POU6F2: variants seen among roughly 807,000 people sequenced by gnomAD.
POU6F2 encodes the protein POU class 6 homeobox 2, also known as POU domain, class 6, transcription factor 2.
A neutral mutation model predicts 71.3 loss-of-function variants in POU6F2; 31 were observed. The observed-to-expected ratio is 0.43, with a 90% CI of 0.33 to 0.59. The LOEUF (loss-of-function observed/expected upper bound fraction) is 0.59. Among genes scored for constraint, POU6F2 ranks in the 20% least tolerant of loss-of-function variants. The probability of loss-of-function intolerance (pLI) is 0.04; values close to 1 mark genes in which losing one functional copy is unlikely to be tolerated. For synonymous variants in POU6F2, 347 were observed against 355.7 expected, an observed-to-expected ratio of 0.98 and a Z score of 0.27; for missense variants, 783 against 856.8, an observed-to-expected ratio of 0.91 and a Z score of 1.07.
At chr7:39,334,287 A>T (rs988448227) in intron 4 of POU6F2, among the ~76,000 whole-genome samples, 1 of 152,316 alleles carries the variant, frequency 6.6e-6, no homozygotes, top group Admixed American at 6.5e-5. Context: ...CCAAGAATAA[A>T]GACAGAATTC....
intron 8 of POU6F2, among the ~76,000 whole-genome samples, chr7:39,454,999 A>G (rs1473480576): frequency 5.9e-5 from 9 of 152,046 alleles, no homozygotes; most frequent in Non-Finnish European, 1.2e-4. Flanking sequence ...CATGCAGATT[A>G]TTAGAAAATC....
intron 2 of POU6F2, among the ~76,000 whole-genome samples, chr7:39,172,625 CTT>C (rs58470541): frequency 1.0e-4 from 14 of 138,560 alleles, no homozygotes; most frequent in African/African-American, 8.0e-5. Context: ...GGTCCCCCTC[CTT>C]TTTTTTTTTT....
intron 1 of POU6F2, among the ~76,000 whole-genome samples, chr7:39,060,238 T>C (rs1344258776): frequency 1.3e-5 from 2 of 151,534 alleles, no homozygotes; most frequent in African/African-American, 4.9e-5. Context: ...ACAGATAAAC[T>C]CATATATATT....
intron 8 of POU6F2, among the ~76,000 whole-genome samples, chr7:39,453,492 A>G (rs1266102457): frequency 3.3e-5 from 5 of 152,246 alleles, no homozygotes; most frequent in Non-Finnish European, 7.3e-5. Context: ...AATAAGTTAA[A>G]TATGAAAAAG....
intron 5 of POU6F2, among the ~76,000 whole-genome samples, chr7:39,402,540 G>A (rs1057162874): frequency 6.6e-6 from 1 of 152,016 alleles, no homozygotes; most frequent in African/African-American, 2.4e-5. Context: ...GAAACCTAAC[G>A]AATGTTGCAA....
intron 4 of POU6F2, among the ~76,000 whole-genome samples, chr7:39,294,354 TGATGGCAAAAAGC>T (rs1201638818): frequency 1.4e-5 from 2 of 145,798 alleles, no homozygotes; most frequent in Non-Finnish European, 3.0e-5. Context: ...CATCAAAAAG[TGATGGCAAAAAGC>T]GATGGCAAAA....
At chr7:39,173,529 C>G (rs150497786) in intron 2 of POU6F2, among the ~76,000 whole-genome samples, 2,411 of 152,340 alleles carry the variant, frequency 0.016, 21 homozygotes, top group Non-Finnish European at 0.024. Context: ...CCTACTCTAA[C>G]TTAACCAATG....
chr7:39,223,619 C>T (rs1794409331), intron 4 of POU6F2, among the ~76,000 whole-genome samples: 1 of 152,122 alleles, frequency 6.6e-6, no homozygotes, highest in Non-Finnish European at 1.5e-5. Flanking sequence ...TTCTTTGCAG[C>T]ATTTTTCCCC....
chr7:39,109,304 G>A (rs754374000), intron 2 of POU6F2, among the ~76,000 whole-genome samples: 1 of 152,170 alleles, frequency 6.6e-6, no homozygotes, highest in Non-Finnish European at 1.5e-5. Flanking sequence ...CCGAAGTGCT[G>A]GGATTATAGG....
Position 39,020,167 on chromosome 7 carries a change from C to T in POU6F2, c.105+42109C>T, listed in dbSNP as rs545630311. Among the ~76,000 whole-genome samples, 44 of 152,172 alleles carry T rather than the reference C, an allele frequency of 2.9e-4. 1 individual carries two copies. The highest frequency in any genetic ancestry group is 1.0e-3 in the African/African-American group (42 of 41,532). On this transcript the variant is annotated intron_variant, in intron 1 of 9. Transcript: ENST00000518318. ...TTATCCTTCATTCTAGAAGCCAGTGCCTTTGTAGTGAGAAAGTGTTGACAA... is the reference window on the plus strand; with the variant it reads ...TTATCCTTCATTCTAGAAGCCAGTGTCTTTGTAGTGAGAAAGTGTTGACAA...
chr7:39,333,828 C>G (rs902692810), intron 4 of POU6F2, among the ~76,000 whole-genome samples: 1 of 152,140 alleles, frequency 6.6e-6, no homozygotes, highest in Non-Finnish European at 1.5e-5. Context: ...AAAAGTCGCA[C>G]CCTCCCCACT....
Position 39,396,841 on chromosome 7 carries a change from G to A in POU6F2, c.973-9759G>A, listed in dbSNP as rs375914898. On this transcript the variant is annotated intron_variant, in intron 5 of 9. Transcript: ENST00000518318. Reference sequence around the variant, plus strand: ...GCTTTGGCCTAGTTCATGAGGCAGGGGTGGGGAGATGTAGCCTCCATAGCC... The same window carrying A: ...GCTTTGGCCTAGTTCATGAGGCAGGAGTGGGGAGATGTAGCCTCCATAGCC... Among the ~76,000 whole-genome samples, 16 of 151,976 alleles carry A rather than the reference G, an allele frequency of 1.1e-4. 1 individual carries two copies. In the South Asian group the frequency reaches 3.1e-3, roughly 30 times the overall value.
chr7:39,206,795 T>C (rs1017268235), intron 3 of POU6F2, among the ~76,000 whole-genome samples: 1 of 152,218 alleles, frequency 6.6e-6, no homozygotes, highest in African/African-American at 2.4e-5. Flanking sequence ...CTTCAAGCTA[T>C]ATCCTAGGAG....
chr7:39,331,101 G>A (rs551886381), intron 4 of POU6F2, among the ~76,000 whole-genome samples: 1 of 152,280 alleles, frequency 6.6e-6, no homozygotes, highest in Admixed American at 6.5e-5. Flanking sequence ...TGCTGCAAAT[G>A]ACAGAATTTC....
chr7:39,252,399 GACACACACACAC>G (rs55738894), intron 4 of POU6F2, among the ~76,000 whole-genome samples: 5 of 144,162 alleles, frequency 3.5e-5, no homozygotes, highest in South Asian at 2.3e-4. Context: ...CAGACAGACA[GACACACACACAC>G]ACACACACAC....
chr7:39,160,552 A>G (rs1792973760), intron 2 of POU6F2, among the ~76,000 whole-genome samples: 2 of 152,050 alleles, frequency 1.3e-5, no homozygotes, highest in Admixed American at 1.3e-4. Context: ...CTGCTTCTTT[A>G]TTTGTAACTG....
chr7:39,328,529 A>G (rs541324066), intron 4 of POU6F2, among the ~76,000 whole-genome samples: 52 of 152,312 alleles, frequency 3.4e-4, no homozygotes, highest in African/African-American at 1.3e-3. Flanking sequence ...ATGGCAAGAA[A>G]CTCAATTTAA....
At chr7:39,222,169 T>C (rs1206252951) in intron 4 of POU6F2, among the ~76,000 whole-genome samples, 2 of 152,166 alleles carry the variant, frequency 1.3e-5, no homozygotes, top group Admixed American at 6.6e-5. Flanking sequence ...ATCAGACATA[T>C]TTGCAAGGGG....
intron 1 of POU6F2, among the ~76,000 whole-genome samples, chr7:39,012,568 G>A (rs1789324301): frequency 6.6e-6 from 1 of 151,946 alleles, no homozygotes; most frequent in Non-Finnish European, 1.5e-5. Flanking sequence ...TGCTGGTGAG[G>A]AACTGTGTTC....
Sources: gnomAD v4.1 joint callset for allele counts (sites outside exome capture counted in the v4.1 genomes callset) on GRCh38, gnomAD v4.1.1 for gene constraint, MANE v1.5 for transcripts, NCBI Gene and HGNC (gene_info 2026-07-23, HGNC 2026-07-21) for gene names.